Variants in OTUB2 observed in about 807,000 individuals in gnomAD.
OTUB2 encodes the protein OTU deubiquitinase, ubiquitin aldehyde binding 2.
Under a neutral mutation model 25.1 loss-of-function variants are expected in OTUB2, and 21 were observed. That is an observed-to-expected ratio of 0.84 (90% CI 0.59 to 1.21). The LOEUF (loss-of-function observed/expected upper bound fraction) is 1.21. Ranked by LOEUF, OTUB2 falls within the 50% of genes most tolerant of loss-of-function variation. The probability of loss-of-function intolerance (pLI) is 0.00; values close to 1 mark genes in which losing one functional copy is unlikely to be tolerated. For missense variants in OTUB2, 283 were observed against 298.0 expected (o/e 0.95, Z 0.37); for synonymous variants, 122 against 122.8 (o/e 0.99, Z 0.04).
intron 1 of OTUB2, among the ~76,000 whole-genome samples, chr14:94,029,061 G>A (rs925620599): frequency 6.6e-6 from 1 of 152,182 alleles, no homozygotes; most frequent in African/African-American, 2.4e-5. Context: ...AAAATTTGGT[G>A]GGGTCAGGAT....
Position 94,039,054 on chromosome 14 carries a change from T to C in OTUB2, c.191T>C (p.Leu64Pro). 1 of 1,614,166 alleles carries C rather than the reference T, an allele frequency of 6.2e-7. No individual in the cohort carries two copies. Among genetic ancestry groups the C allele is most frequent in the Non-Finnish European group, 8.5e-7 (1 of 1,180,028 alleles). The change falls in exon 3 of 6, where the codon CTG becomes CCG. Residue 64 changes from leucine to proline, a missense_variant. By Grantham distance (98) the Leu-to-Pro change is moderately conservative (BLOSUM62 -3). Coordinates refer to ENST00000203664, the MANE Select transcript of OTUB2 (RefSeq NM_023112.4). The part of the protein sequence containing the change: ...RALGYSYLES[L>P]LGKSREIFKF... ...TTGGGCTATTCCTACCTGGAGTCCC[T>C]GCTGGGGAAGAGCAGGGAGATCTTC...
rs1884862423 is a variant in OTUB2, at chr14:94,026,536, C to G, written c.-2C>G. 2 of 1,258,334 alleles carry G rather than the reference C, an allele frequency of 1.6e-6. No individual in the cohort carries two copies. 77.9% of individuals were successfully genotyped at this position (1,258,334 alleles called of 1,614,324 possible). A position where few individuals can be genotyped will look rare whatever the true frequency, so the allele number is the denominator to read the frequency against. On this transcript the variant is annotated 5_prime_UTR_variant, in exon 1 of 6. Transcript: ENST00000203664. ...GGACCTGGCCTGGCGGCTCTGGTCA[C>G]TATGGTCAGTGATCGTGGGGGATCG...
intron 3 of OTUB2, among the ~76,000 whole-genome samples, chr14:94,039,945 A>G (rs117464411): frequency 0.09 from 13,642 of 152,016 alleles, 827 homozygotes; most frequent in Non-Finnish European, 0.13. Flanking sequence ...CAACGGCGGC[A>G]TGACTGACGT....
intron 2 of OTUB2, among the ~76,000 whole-genome samples, chr14:94,038,601 G>A (rs1015541435): frequency 2.5e-5 from 3 of 118,108 alleles, no homozygotes; most frequent in African/African-American, 9.7e-5. Flanking sequence ...ACTTCTGCCA[G>A]CTCCCGATTC....
chr14:94,035,286 CTTTTT>C (rs761154708), intron 1 of OTUB2, among the ~76,000 whole-genome samples: 1 of 104,034 alleles, frequency 9.6e-6, no homozygotes, highest in African/African-American at 3.7e-5. Flanking sequence ...TTTTTCTTTT[CTTTTT>C]TTTTTTTTTT....
intron 5 of OTUB2, among the ~76,000 whole-genome samples, chr14:94,045,029 A>G (rs1256121087): frequency 6.6e-6 from 1 of 152,262 alleles, no homozygotes; most frequent in Non-Finnish European, 1.5e-5. Context: ...TGGCCTGTTT[A>G]CAAAACCACA....
intron 3 of OTUB2, among the ~76,000 whole-genome samples, chr14:94,039,888 G>A (rs1048065532): frequency 6.6e-5 from 10 of 152,110 alleles, no homozygotes; most frequent in South Asian, 2.1e-4. Context: ...GAAACAGTAC[G>A]GGGGGCAGTG....
At position 94,033,247 on chromosome 14, in the gene OTUB2, A is replaced by G. The variant is rs533126224; in HGVS notation, c.4-4133A>G. 9.9e-5 allele frequency among the ~76,000 whole-genome samples: 15 copies of G among 152,152 alleles called. No individual in the cohort carries two copies. In the South Asian group the frequency reaches 2.7e-3, roughly 27 times the overall value. On this transcript the variant is annotated intron_variant, in intron 1 of 5. Coordinates refer to ENST00000203664, the MANE Select transcript of OTUB2 (RefSeq NM_023112.4). ...TTTCCTTAACTTGGCTCTTTTAAAGAGCTTAAGTAGATTTGTCAAAAATGC... is the reference window on the plus strand; with the variant it reads ...TTTCCTTAACTTGGCTCTTTTAAAGGGCTTAAGTAGATTTGTCAAAAATGC...
chr14:94,041,445 T>C (rs1885160111), intron 3 of OTUB2, among the ~76,000 whole-genome samples: 1 of 152,168 alleles, frequency 6.6e-6, no homozygotes, highest in African/African-American at 2.4e-5. Context: ...TTCTTTCTTT[T>C]TTTAAAATAT....
In OTUB2 at chr14:94,047,137, CCTCTAT is replaced by C. The variant is rs1231906629; in HGVS notation, c.*1216_*1221del. ...AGAGGTGCTGCTAGCAACCTCTCTT[CCTCTAT>C]AAGAGGAAATGGAAAATGCAGGGTG... is the stretch of plus-strand genomic sequence containing the variant. On this transcript the variant is annotated 3_prime_UTR_variant, in exon 6 of 6. Transcript: ENST00000203664. 3.3e-5 allele frequency: 5 copies of C among 152,202 alleles called. No individual in the cohort carries two copies. Among genetic ancestry groups the C allele is most frequent in the African/African-American group, 4.8e-5 (2 of 41,436 alleles). 9.4% of individuals were successfully genotyped at this position (152,202 alleles called of 1,614,324 possible).
rs141957465 is a variant in OTUB2 at position 94,043,730 on chromosome 14, C to T, written c.219-241C>T. On this transcript the variant is annotated intron_variant, in intron 3 of 5. Coordinates refer to ENST00000203664, the MANE Select transcript of OTUB2 (RefSeq NM_023112.4). ...GATGCAAAATCACACACGCCCTTGTCGTATCGTCTTTCCACCATGCACACA... is the reference window on the plus strand; with the variant it reads ...GATGCAAAATCACACACGCCCTTGTTGTATCGTCTTTCCACCATGCACACA... Among the ~76,000 whole-genome samples, 306 of 152,320 alleles carry T rather than the reference C, an allele frequency of 2.0e-3. 2 individuals carry two copies. The highest frequency in any genetic ancestry group is 6.9e-3 in the African/African-American group (285 of 41,564).
chr14:94,041,976 C>T (rs1343143137), intron 3 of OTUB2, among the ~76,000 whole-genome samples: 1 of 152,236 alleles, frequency 6.6e-6, no homozygotes, highest in South Asian at 2.1e-4. Flanking sequence ...GTCATGCATC[C>T]TCCACAAGCC....
At position 94,030,338 on chromosome 14, in the gene OTUB2, G is replaced by C. The variant is rs544136136; in HGVS notation, c.3+3798G>C. 4.0e-5 allele frequency among the ~76,000 whole-genome samples: 6 copies of C among 151,662 alleles called. No individual in the cohort carries two copies. In the East Asian group the frequency reaches 9.8e-4, roughly 25 times the overall value. Reference sequence around the variant, plus strand: ...TCTGCTTGGATGGGGAGCTGGAGAAGCCTGTCGGGGGTGGGGGGCGAGGTG... The same window carrying C: ...TCTGCTTGGATGGGGAGCTGGAGAACCCTGTCGGGGGTGGGGGGCGAGGTG... On this transcript the variant is annotated intron_variant, in intron 1 of 5. Transcript: ENST00000203664.
intron 1 of OTUB2, among the ~76,000 whole-genome samples, chr14:94,028,161 C>A (rs1283660273): frequency 6.6e-6 from 1 of 152,200 alleles, no homozygotes; most frequent in Non-Finnish European, 1.5e-5. Context: ...GGCTTGGGTG[C>A]CTTGGCGAAG....
intron 3 of OTUB2, among the ~76,000 whole-genome samples, chr14:94,041,963 A>G (rs1179979550): frequency 2.0e-5 from 3 of 152,214 alleles, no homozygotes; most frequent in Non-Finnish European, 4.4e-5. Context: ...TCTTAGCGTC[A>G]GCGTCATGCA....
At chr14:94,039,131 G>A (rs1885113007) in intron 3 of OTUB2, 50 bp downstream of exon 3, 1 of 1,432,692 alleles carries the variant, frequency 7.0e-7, no homozygotes, top group Non-Finnish European at 9.7e-7. Flanking sequence ...TCTGTGCTAG[G>A]TCAGCCTCAA....
At chr14:94,027,262 G>A (rs1322290297) in intron 1 of OTUB2, among the ~76,000 whole-genome samples, 1 of 152,224 alleles carries the variant, frequency 6.6e-6, no homozygotes, top group African/African-American at 2.4e-5. Flanking sequence ...GATTGTGGTG[G>A]ACCTGGGGCT....
intron 1 of OTUB2, among the ~76,000 whole-genome samples, chr14:94,034,027 T>C (rs1390554280): frequency 6.6e-6 from 1 of 152,210 alleles, no homozygotes; most frequent in African/African-American, 2.4e-5. Context: ...AATGGAATGA[T>C]TTTAAGCTGT....
intron 3 of OTUB2, among the ~76,000 whole-genome samples, chr14:94,042,850 C>A (rs185950028): frequency 6.6e-6 from 1 of 152,214 alleles, no homozygotes; most frequent in Non-Finnish European, 1.5e-5. Flanking sequence ...TCATCACCAT[C>A]CACACTTGCG....
Sources: gnomAD v4.1 joint callset for allele counts (sites outside exome capture counted in the v4.1 genomes callset) on GRCh38, gnomAD v4.1.1 for gene constraint, MANE v1.5 for transcripts, NCBI Gene and HGNC (gene_info 2026-07-23, HGNC 2026-07-21) for gene names.